Variants in SP2 observed in about 807,000 individuals in gnomAD.
The protein encoded by SP2 is transcription factor Sp2.
SP2 carries 9 observed loss-of-function variants against 50.1 expected under a neutral mutation model. The ratio of observed to expected loss-of-function variants is 0.18; its 90% CI spans 0.11 to 0.31. The LOEUF is 0.31. SP2 is among the 10% of genes least tolerant of loss of function. SP2 has a pLI of 1.00. For missense variants in SP2, 581 were observed against 806.5 expected (o/e 0.72, Z 3.39); for synonymous variants, 313 against 326.6 (o/e 0.96, Z 0.45).
At chr17:47,905,738 G>A (rs185137384) in intron 1 of SP2, among the ~76,000 whole-genome samples, 21 of 152,300 alleles carry the variant, frequency 1.4e-4, no homozygotes, top group African/African-American at 4.6e-4. Context: ...CAGTGCCGAA[G>A]GGTGCCTGGA....
At chr17:47,929,821 C>A (rs1567707706), downstream of SP2, 1 of 152,624 alleles carries the variant, frequency 6.6e-6, no homozygotes, top group African/African-American at 2.4e-5. Context: ...TTTCACTCAC[C>A]CTCGAAAGGA....
At chr17:47,918,745 C>A (rs1461597110) in intron 3 of SP2, among the ~76,000 whole-genome samples, 1 of 152,124 alleles carries the variant, frequency 6.6e-6, no homozygotes, top group Non-Finnish European at 1.5e-5. Context: ...GAAAGTGGGT[C>A]AAGGACACGT....
At chr17:47,909,806 A>C in intron 1 of SP2, 1 of 388,032 alleles carries the variant, frequency 2.6e-6, no homozygotes, top group Non-Finnish European at 3.5e-6. Flanking sequence ...ACTAATACCC[A>C]TTGTGTTTCC....
chr17:47,925,932 T>C (rs925090464), intron 6 of SP2, among the ~76,000 whole-genome samples: 5 of 125,256 alleles, frequency 4.0e-5, no homozygotes, highest in Non-Finnish European at 6.6e-5. Context: ...TTTTTTTTTT[T>C]TGGAGATGGA....
chr17:47,930,839 C>T (rs2035803847), downstream of SP2, among the ~76,000 whole-genome samples: 7 of 152,194 alleles, frequency 4.6e-5, no homozygotes, highest in Admixed American at 3.3e-4. Flanking sequence ...GCCCATCCCT[C>T]ATGCCCTTCC....
At chr17:47,925,905 C>CTTTTTTTTTTTTTTT (rs71141942) in intron 6 of SP2, among the ~76,000 whole-genome samples, 1 of 84,442 alleles carries the variant, frequency 1.2e-5, no homozygotes, top group African/African-American at 4.8e-5. Context: ...TTGTTTATGC[C>CTTTTTTTTTTTTTTT]TTTTTTTTTT....
chr17:47,923,071 G>A lies in SP2; in HGVS notation c.1169G>A (p.Arg390His), dbSNP rs200461216. The A allele has an allele frequency of 2.5e-5, 40 of 1,614,154 alleles. No homozygotes were observed. Among genetic ancestry groups the A allele is most frequent in the South Asian group, 1.9e-4 (17 of 91,084 alleles). ...ACCACCTGTAGCAGCCCTGCATCCC[G>A]TGCTCCCCATCTGAGTGGGACCAGC... is the stretch of plus-strand genomic sequence containing the variant. ...SNTTCSSPAS[R>H]APHLSGTSKK... The change falls in exon 4 of 7, where the codon CGT (arginine) becomes CAT (histidine). Residue 390 changes from arginine to histidine, a missense_variant. By Grantham distance (29) the Arg-to-His change is conservative. Around this residue, in one of 2 missense-constraint regions of SP2, gnomAD observed 184 missense variants for 315.5 expected, o/e 0.58. Coordinates refer to ENST00000376741, the MANE Select transcript of SP2 (RefSeq NM_003110.6).
intron 1 of SP2, among the ~76,000 whole-genome samples, chr17:47,912,081 T>C (rs997460287): frequency 5.6e-4 from 85 of 152,252 alleles, no homozygotes; most frequent in African/African-American, 2.0e-3. Flanking sequence ...TACCATGCTC[T>C]TGATGTATCC....
In SP2 at chr17:47,917,062, C is replaced by T. The variant is rs2035239266; in HGVS notation, c.991C>T (p.Leu331Phe). 1.9e-6 allele frequency: 3 copies of T among 1,613,686 alleles called. No individual in the cohort carries two copies. Among genetic ancestry groups the T allele is most frequent in the Non-Finnish European group, 2.5e-6 (3 of 1,179,984 alleles). Residue 331 changes from leucine (L) to phenylalanine (F), a missense_variant, in exon 3 of 7, where the codon CTC becomes TTC. By Grantham distance (22) the Leu-to-Phe change is conservative. This residue lies in a region of SP2 where 397 missense variants were observed against 491.0 expected (regional missense o/e 0.81). Coordinates refer to ENST00000376741, the MANE Select transcript of SP2 (RefSeq NM_003110.6). ...LRVVQAASAT[L>F]PTVPQKPSQN... ...GGTGGTGCAGGCGGCATCTGCCACC[C>T]TCCCCACTGTACCCCAGAAGCCCTC...
At position 47,927,531 on chromosome 17, in the gene SP2, C is replaced by CA. The variant is rs61309845; in HGVS notation, c.1742-172dup. 3.3e-3 allele frequency among the ~76,000 whole-genome samples: 279 copies of CA among 83,766 alleles called. 2 individuals carry two copies. The highest frequency in any genetic ancestry group is 7.9e-3 in the South Asian group (19 of 2,408). 55.0% of individuals were successfully genotyped at this position (83,766 alleles called of 152,430 possible). On this transcript the variant is annotated intron_variant, in intron 6 of 6. Coordinates refer to ENST00000376741, the MANE Select transcript of SP2 (RefSeq NM_003110.6). ...TGGCCAGCAGAGTGAGACTCCATCT[C>CA]AAAAAAAAAAAAAAAAAAAAAGATA... is the stretch of plus-strand genomic sequence containing the variant.
At chr17:47,922,337 C>CA (rs1383140450) in intron 3 of SP2, among the ~76,000 whole-genome samples, 17 of 152,186 alleles carry the variant, frequency 1.1e-4, no homozygotes, top group Admixed American at 1.1e-3. Flanking sequence ...TACATATCCC[C>CA]AAATTTCCTT....
At chr17:47,913,016 C>A (rs758541053) in intron 1 of SP2, among the ~76,000 whole-genome samples, 2 of 151,744 alleles carry the variant, frequency 1.3e-5, no homozygotes, top group African/African-American at 4.8e-5. Context: ...CCTGCCACCA[C>A]GCCCTGCTAA....
At chr17:47,902,527 A>G (rs1248565183) in intron 1 of SP2, among the ~76,000 whole-genome samples, 1 of 152,164 alleles carries the variant, frequency 6.6e-6, no homozygotes. Context: ...CTAGGTGATG[A>G]CAGAGGAGGT....
intron 1 of SP2, among the ~76,000 whole-genome samples, chr17:47,911,630 C>A (rs1197259985): frequency 2.0e-5 from 3 of 151,956 alleles, no homozygotes; most frequent in African/African-American, 7.2e-5. Context: ...AACATGAAAC[C>A]CCCTCTCTTA....
intron 1 of SP2, among the ~76,000 whole-genome samples, chr17:47,906,987 G>A (rs937127340): frequency 7.9e-5 from 12 of 152,122 alleles, no homozygotes; most frequent in Non-Finnish European, 1.8e-4. Context: ...AAAGGAAGAG[G>A]AGCCCACAAG....
Position 47,916,472 on chromosome 17 carries a change from C to T in SP2, c.401C>T (p.Ala134Val), listed in dbSNP as rs2035205589. The change falls in exon 3 of 7, where the codon GCG becomes GTG. Residue 134 changes from alanine to valine, a missense_variant. By Grantham distance (64) the Ala-to-Val change is moderately conservative. Transcript: ENST00000376741. The surrounding 1 kb of genome is among the most constrained non-coding windows in gnomAD (Gnocchi z 4.7). ...TRSNANIQYQ[A>V]VPQIQASNSQ... ...TCAAATGCCAATATCCAGTACCAGG[C>T]GGTCCCTCAGATTCAGGCAAGCAAT... The T allele has an allele frequency of 1.9e-6, 3 of 1,614,110 alleles. No individual in the cohort carries two copies. Among genetic ancestry groups the T allele is most frequent in the South Asian group, 2.2e-5 (2 of 91,082 alleles).
chr17:47,898,204 C>G (rs1270237747), intron 1 of SP2: 1 of 152,120 alleles, frequency 6.6e-6, no homozygotes, highest in African/African-American at 2.4e-5. Flanking sequence ...CTCTCAGATT[C>G]TATTAAAGTT....
rs887745600 is a variant in SP2, at chr17:47,916,077, G to A, written c.85-79G>A. 2.0e-5 allele frequency: 30 copies of A among 1,508,612 alleles called. 1 individual carries two copies. Among genetic ancestry groups the A allele is most frequent in the South Asian group, 2.6e-5 (2 of 76,928 alleles). The allele number at this position is 1,508,612 out of a possible 1,614,324, so 93.5% of individuals were successfully genotyped here. ...GGAAGACTGGCGTGGAATGCCGCCA[G>A]GAGGAGAGGATCATGGACAGAGGCG... On this transcript the variant is annotated intron_variant, in intron 2 of 6. Coordinates refer to ENST00000376741, the MANE Select transcript of SP2 (RefSeq NM_003110.6). The surrounding 1 kb of genome is among the most constrained non-coding windows in gnomAD (Gnocchi z 4.7).
chr17:47,910,205 G>A (rs1168965032), intron 1 of SP2, among the ~76,000 whole-genome samples: 1 of 152,202 alleles, frequency 6.6e-6, no homozygotes, highest in African/African-American at 2.4e-5. Flanking sequence ...CCATTCTAAA[G>A]CCTAAGTTTT....
Sources: allele counts gnomAD v4.1 joint callset (sites outside exome capture counted in the v4.1 genomes callset), GRCh38; gene constraint gnomAD v4.1.1; regional missense constraint gnomAD v4.1.1; non-coding constraint Gnocchi (gnomAD v3.1); transcripts MANE v1.5; gene names NCBI Gene and HGNC (gene_info 2026-07-23, HGNC 2026-07-21).